The following KCNN2 variants were observed in gnomAD, a reference collection of about 807,000 sequenced individuals.
The protein encoded by KCNN2 is small conductance calcium-activated potassium channel protein 2.
In KCNN2, 24 loss-of-function variants were observed where a neutral mutation model predicts 55.5. That is an observed-to-expected ratio of 0.43 (90% CI 0.31 to 0.61). The LOEUF is 0.61. KCNN2 is among the 20% of genes least tolerant of loss of function. The probability of loss-of-function intolerance (pLI) is 0.08; values close to 1 mark genes in which losing one functional copy is unlikely to be tolerated. For missense variants in KCNN2, 754 were observed against 853.6 expected (o/e 0.88, Z 1.45); for synonymous variants, 431 against 336.1 (o/e 1.28, Z -3.09).
intron 1 of KCNN2, among the ~76,000 whole-genome samples, chr5:114,156,388 T>A (rs1025185071): frequency 3.3e-5 from 5 of 152,140 alleles, no homozygotes; most frequent in Non-Finnish European, 7.4e-5. Flanking sequence ...TCCCTATGAA[T>A]TTTAAAATAG....
Position 114,250,577 on chromosome 5 carries a change from A to G in KCNN2, c.-185+29012A>G, listed in dbSNP as rs181433919. On this transcript the variant is annotated intron_variant, in intron 2 of 10. Transcript: ENST00000512097. ...GTCAGCTGATAATATGAAAAGGTAG[A>G]GTGCACAGGGCACATCTCAGGAAGT... 1.3e-3 allele frequency among the ~76,000 whole-genome samples: 193 copies of G among 152,328 alleles called. 1 individual carries two copies. The highest frequency in any genetic ancestry group is 0.01 in the Middle Eastern group (3 of 294).
chr5:114,056,285 A>G (rs1750205141), exon 1 of KCNN2: 1 of 397,976 alleles, frequency 2.5e-6, no homozygotes, highest in African/African-American at 2.1e-5. Flanking sequence ...CCGGGCCGCA[A>G]GCAGGCACGG....
At chr5:114,094,672 T>C (rs915999715) in intron 1 of KCNN2, among the ~76,000 whole-genome samples, 1 of 152,216 alleles carries the variant, frequency 6.6e-6, no homozygotes, top group African/African-American at 2.4e-5. Flanking sequence ...GCTTCATAAG[T>C]GAATTCCGAA....
intron 1 of KCNN2, among the ~76,000 whole-genome samples, chr5:114,092,517 C>A (rs1751166033): frequency 6.6e-6 from 1 of 152,160 alleles, no homozygotes; most frequent in Admixed American, 6.5e-5. Context: ...TCTCACAGAT[C>A]TACTAGGCAG....
At chr5:114,426,791 C>T (rs1272782816) in intron 3 of KCNN2, among the ~76,000 whole-genome samples, 1 of 152,080 alleles carries the variant, frequency 6.6e-6, no homozygotes, top group African/African-American at 2.4e-5. Context: ...AAAGAATCAC[C>T]CGGACTGCTC....
intron 2 of KCNN2, among the ~76,000 whole-genome samples, chr5:114,348,089 G>T (rs1268037016): frequency 6.6e-6 from 1 of 152,068 alleles, no homozygotes; most frequent in African/African-American, 2.4e-5. Flanking sequence ...GCAGCAGGCT[G>T]CATGTTGAGT....
intron 3 of KCNN2, among the ~76,000 whole-genome samples, chr5:114,436,315 A>G (rs895542300): frequency 6.6e-6 from 1 of 152,242 alleles, no homozygotes; most frequent in Admixed American, 6.5e-5. Context: ...ATGGTTTCCT[A>G]TCAACTATGA....
At chr5:114,490,208 T>C (rs1747780805) in intron 6 of KCNN2, among the ~76,000 whole-genome samples, 1 of 152,196 alleles carries the variant, frequency 6.6e-6, no homozygotes, top group African/African-American at 2.4e-5. Flanking sequence ...AGAAATCCAA[T>C]CTACTTGATT....
chr5:114,454,180 G>T (rs999104077), intron 3 of KCNN2, among the ~76,000 whole-genome samples: 1 of 152,162 alleles, frequency 6.6e-6, no homozygotes, highest in African/African-American at 2.4e-5. Context: ...GCATAGTAAA[G>T]TTTTTATTTA....
At chr5:114,327,677 G>A (rs549408309) in intron 2 of KCNN2, among the ~76,000 whole-genome samples, 38 of 152,264 alleles carry the variant, frequency 2.5e-4, no homozygotes, top group Admixed American at 1.2e-3. Flanking sequence ...GTGAGTCATC[G>A]TTGCCATTCT....
At chr5:114,419,715 G>A (rs1028299614) in intron 3 of KCNN2, among the ~76,000 whole-genome samples, 4 of 152,206 alleles carry the variant, frequency 2.6e-5, no homozygotes, top group African/African-American at 9.6e-5. Flanking sequence ...TTATTGGCCT[G>A]TGCAGTGGCT....
At chr5:114,237,276 ACACACACACACACACT>A (rs1425296311) in intron 2 of KCNN2, among the ~76,000 whole-genome samples, 4 of 151,094 alleles carry the variant, frequency 2.6e-5, no homozygotes, top group African/African-American at 9.7e-5. Context: ...ACACACACAC[ACACACACACACACACT>A]CACACACACA....
intron 2 of KCNN2, among the ~76,000 whole-genome samples, chr5:114,247,041 C>T (rs1034297890): frequency 6.6e-5 from 10 of 151,146 alleles, no homozygotes; most frequent in South Asian, 2.1e-4. Context: ...CGGGCACTCA[C>T]GCCTGTAATC....
At chr5:114,094,465 G>A (rs1443325151) in intron 1 of KCNN2, among the ~76,000 whole-genome samples, 6 of 152,190 alleles carry the variant, frequency 3.9e-5, no homozygotes. Context: ...TTAAACATGT[G>A]TTGGCTGGCC....
chr5:114,250,441 G>A (rs1580660985), intron 2 of KCNN2, among the ~76,000 whole-genome samples: 1 of 152,132 alleles, frequency 6.6e-6, no homozygotes, highest in African/African-American at 2.4e-5. Flanking sequence ...CTAGTGTTGA[G>A]CTCATTTTCA....
At chr5:114,490,333 T>C (rs115861277) in intron 6 of KCNN2, among the ~76,000 whole-genome samples, 164 of 152,332 alleles carry the variant, frequency 1.1e-3, no homozygotes, top group African/African-American at 3.8e-3. Context: ...GTTTCAAATA[T>C]TGTTCTTTTA....
At chr5:114,458,937 G>A (rs1761061148) in intron 3 of KCNN2, among the ~76,000 whole-genome samples, 1 of 152,218 alleles carries the variant, frequency 6.6e-6, no homozygotes, top group Non-Finnish European at 1.5e-5. Flanking sequence ...AGCCATTAGT[G>A]TGCGGGTGCT....
chr5:114,189,132 TAG>T (rs1491462111), intron 1 of KCNN2, among the ~76,000 whole-genome samples: 2 of 75,188 alleles, frequency 2.7e-5, no homozygotes, highest in African/African-American at 1.2e-4. Context: ...ATAGAACCAA[TAG>T]TGTGTGTGTG....
At chr5:114,088,587 G>C (rs576102658) in intron 1 of KCNN2, among the ~76,000 whole-genome samples, 19 of 151,644 alleles carry the variant, frequency 1.3e-4, no homozygotes, top group Non-Finnish European at 2.5e-4. Context: ...TAAGCTCATC[G>C]AGTGTATTTT....
Sources: gnomAD v4.1 joint callset for allele counts (sites outside exome capture counted in the v4.1 genomes callset) on GRCh38, gnomAD v4.1.1 for gene constraint, MANE v1.5 for transcripts, NCBI Gene and HGNC (gene_info 2026-07-23, HGNC 2026-07-21) for gene names.